Variants in CDH13 observed in about 807,000 individuals in gnomAD.
The protein encoded by CDH13 is cadherin 13, also known as cadherin-13.
In CDH13, 24 loss-of-function variants were observed where a neutral mutation model predicts 63.8. The ratio of observed to expected loss-of-function variants is 0.38; its 90% CI spans 0.27 to 0.53. The LOEUF (loss-of-function observed/expected upper bound fraction) is 0.53. Ranked by LOEUF, CDH13 falls within the 20% of genes least tolerant of loss-of-function variation. CDH13 has a pLI of 0.85. For synonymous variants in CDH13, 503 were observed against 355.3 expected (o/e 1.42, Z -4.67); for missense variants, 1,049 against 903.1 (o/e 1.16, Z -2.07).
chr16:82,871,130 A>G (rs113111467), intron 2 of CDH13, among the ~76,000 whole-genome samples: 3 of 152,212 alleles, frequency 2.0e-5, no homozygotes, highest in South Asian at 2.1e-4. Context: ...GCTATTCACT[A>G]TCAAGGAAGC....
intron 4 of CDH13, among the ~76,000 whole-genome samples, chr16:83,188,877 G>A (rs918238515): frequency 2.0e-5 from 3 of 152,088 alleles, no homozygotes; most frequent in Admixed American, 2.0e-4. Context: ...GTCGGGGTGA[G>A]TTTTCACATC....
At chr16:83,450,629 G>A (rs2072861196) in intron 6 of CDH13, among the ~76,000 whole-genome samples, 2 of 152,208 alleles carry the variant, frequency 1.3e-5, no homozygotes, top group African/African-American at 4.8e-5. Context: ...CCAGCAGTTT[G>A]GGAGGCCAAG....
intron 1 of CDH13, chr16:82,826,745 G>C (rs2038275639): frequency 6.6e-6 from 1 of 152,198 alleles, no homozygotes; most frequent in Admixed American, 6.5e-5. Context: ...AAGTAACTTA[G>C]TGGATTTGCT....
intron 1 of CDH13, among the ~76,000 whole-genome samples, chr16:82,834,064 A>T (rs1448903992): frequency 6.6e-6 from 1 of 152,184 alleles, no homozygotes; most frequent in Non-Finnish European, 1.5e-5. Context: ...TAGCCAGCTC[A>T]TCTGCTTTCA....
chr16:83,629,005 C>T (rs917939452), intron 8 of CDH13, among the ~76,000 whole-genome samples: 1 of 152,122 alleles, frequency 6.6e-6, no homozygotes, highest in Non-Finnish European at 1.5e-5. Context: ...TTGTTGAATA[C>T]GTAAATTTTC....
At position 83,031,931 on chromosome 16, in the gene CDH13, A is replaced by C. The variant is rs188513868; in HGVS notation, c.158-79A>C. On this transcript the variant is annotated intron_variant, in intron 2 of 13. Transcript: ENST00000567109. ...GTTGGGAAACTATGTGGTAATTCAC[A>C]CTTAATAGGTCAGAGATATCTCAGA... is the stretch of plus-strand genomic sequence containing the variant. 2.1e-3 allele frequency: 2,333 copies of C among 1,131,438 alleles called. 4 individuals carry two copies. Among genetic ancestry groups the C allele is most frequent in the Non-Finnish European group, 2.5e-3 (1,951 of 774,450 alleles). 70.1% of individuals were successfully genotyped at this position (1,131,438 alleles called of 1,614,324 possible). A position where few individuals can be genotyped will look rare whatever the true frequency, so the allele number is the denominator to read the frequency against.
chr16:82,899,222 C>T (rs951883397), intron 2 of CDH13, among the ~76,000 whole-genome samples: 77 of 152,218 alleles, frequency 5.1e-4, no homozygotes, highest in African/African-American at 1.8e-3. Flanking sequence ...GTGGGTATTT[C>T]GGAGTGTATA....
intron 13 of CDH13, among the ~76,000 whole-genome samples, chr16:83,792,466 G>C (rs147765360): frequency 2.0e-5 from 3 of 152,304 alleles, no homozygotes; most frequent in African/African-American, 7.2e-5. Context: ...GATGTTTCTT[G>C]TTGTTGTTGT....
chr16:83,100,569 A>C (rs550123059), intron 3 of CDH13, among the ~76,000 whole-genome samples: 7 of 152,222 alleles, frequency 4.6e-5, no homozygotes, highest in Non-Finnish European at 1.0e-4. Flanking sequence ...GGTGGAAAAC[A>C]ATGGTCCTGT....
chr16:83,240,859 G>C (rs1330630693), intron 5 of CDH13, among the ~76,000 whole-genome samples: 1 of 151,056 alleles, frequency 6.6e-6, no homozygotes, highest in Non-Finnish European at 1.5e-5. Context: ...TCTGTGCCTA[G>C]CTTCTTAACC....
At chr16:83,671,101 C>A in intron 9 of CDH13, 129 bp downstream of exon 9, 1 of 805,844 alleles carries the variant, frequency 1.2e-6, no homozygotes, top group Non-Finnish European at 2.0e-6. Flanking sequence ...TGGGAATTAA[C>A]AAAGGAAAAG....
At chr16:83,171,489 A>G (rs1348370710) in intron 4 of CDH13, 1 of 1,519,746 alleles carries the variant, frequency 6.6e-7, no homozygotes, top group Admixed American at 2.0e-5. Flanking sequence ...TTCTATGAAA[A>G]TAGACTGCCC....
intron 6 of CDH13, among the ~76,000 whole-genome samples, chr16:83,358,887 G>C (rs895561571): frequency 6.6e-6 from 1 of 152,080 alleles, no homozygotes; most frequent in African/African-American, 2.4e-5. Flanking sequence ...AACTTTCTTA[G>C]TGTAGTTATT....
chr16:82,979,636 C>T (rs1909995166), intron 2 of CDH13, among the ~76,000 whole-genome samples: 1 of 152,192 alleles, frequency 6.6e-6, no homozygotes, highest in Admixed American at 6.5e-5. Flanking sequence ...TTTCCTGAGG[C>T]TTCCCAAGCC....
intron 1 of CDH13, among the ~76,000 whole-genome samples, chr16:82,759,277 TCA>T (rs971016467): frequency 2.0e-5 from 3 of 152,162 alleles, no homozygotes; most frequent in Non-Finnish European, 2.9e-5. Context: ...TCACACCTCC[TCA>T]CTTGTACTTC....
chr16:83,444,225 A>AATG lies in CDH13; in HGVS notation c.782-42238_782-42236dup, dbSNP rs577218784. On this transcript the variant is annotated intron_variant, in intron 6 of 13. Coordinates refer to ENST00000567109, the MANE Select transcript of CDH13 (RefSeq NM_001257.5). ...TGATGATGATAATGATGACCATAGT[A>AATG]ATGATGATGATGATGACGATGATGG... Among the ~76,000 whole-genome samples, 412 of 152,172 alleles carry AATG rather than the reference A, an allele frequency of 2.7e-3. 4 individuals are homozygous for AATG. Among genetic ancestry groups the AATG allele is most frequent in the African/African-American group, 9.5e-3 (395 of 41,514 alleles).
intron 5 of CDH13, among the ~76,000 whole-genome samples, chr16:83,344,357 C>T (rs976418088): frequency 3.9e-5 from 6 of 152,232 alleles, no homozygotes; most frequent in Admixed American, 2.6e-4. Context: ...AGGTCTCATT[C>T]AGGCCCCCTG....
At chr16:83,102,439 T>C (rs1340458360) in intron 3 of CDH13, among the ~76,000 whole-genome samples, 3 of 152,176 alleles carry the variant, frequency 2.0e-5, no homozygotes, top group Non-Finnish European at 2.9e-5. Context: ...TGCTCCAGGA[T>C]GCCAGTGTGC....
At chr16:83,002,929 T>G (rs578206562) in intron 2 of CDH13, among the ~76,000 whole-genome samples, 1 of 152,226 alleles carries the variant, frequency 6.6e-6, no homozygotes, top group Non-Finnish European at 1.5e-5. Context: ...TTAACACTTA[T>G]CTATTGAGCA....
Sources: gnomAD v4.1 joint callset for allele counts (sites outside exome capture counted in the v4.1 genomes callset) on GRCh38, gnomAD v4.1.1 for gene constraint, MANE v1.5 for transcripts, NCBI Gene and HGNC (gene_info 2026-07-23, HGNC 2026-07-21) for gene names.